The following VIT variants were observed in gnomAD, a reference collection of about 807,000 sequenced individuals.
The protein encoded by VIT is vitrin.
In VIT, 99 loss-of-function variants were observed where a neutral mutation model predicts 78.0. The observed-to-expected ratio is 1.27, with a 90% CI of 1.08 to 1.50. VIT has a LOEUF of 1.50. Ranked by LOEUF, VIT falls within the 40% of genes most tolerant of loss-of-function variation. The pLI is 0.00. For synonymous variants in VIT, 374 were observed against 334.3 expected, an observed-to-expected ratio of 1.12 and a Z score of -1.29; for missense variants, 1,126 against 875.3, an observed-to-expected ratio of 1.29 and a Z score of -3.61.
chr2:36,785,642 C>T (rs532187116), intron 11 of VIT, among the ~76,000 whole-genome samples: 118 of 152,284 alleles, frequency 7.7e-4, no homozygotes, highest in South Asian at 6.6e-3. Context: ...AGGCACTGAA[C>T]GCCCAGGCAG....
intron 13 of VIT, among the ~76,000 whole-genome samples, chr2:36,804,489 G>C (rs1666559170): frequency 6.6e-6 from 1 of 152,200 alleles, no homozygotes; most frequent in Admixed American, 6.5e-5. Flanking sequence ...CATGGGGCTG[G>C]CTTAGGGGCT....
intron 9 of VIT, among the ~76,000 whole-genome samples, chr2:36,777,596 T>C (rs1259842682): frequency 6.6e-6 from 1 of 152,142 alleles, no homozygotes; most frequent in East Asian, 1.9e-4. Context: ...CACTGGCTCA[T>C]CTCCTACTGA....
chr2:36,771,419 A>G (rs552504639), intron 7 of VIT, among the ~76,000 whole-genome samples: 33 of 151,898 alleles, frequency 2.2e-4, no homozygotes, highest in Non-Finnish European at 1.8e-4. Context: ...CCGGCTACTC[A>G]GGAGGCTGAG....
At position 36,814,323 on chromosome 2, in the gene VIT, A is replaced by C. The variant is rs774124560; in HGVS notation, c.2044A>C (p.Asn682His). The change falls in exon 16 of 16, where the codon AAC (asparagine) becomes CAC (histidine). Residue 682 changes from asparagine to histidine, a missense_variant. Transcript: ENST00000379242. Reference sequence around the variant, plus strand: ...TCAGTATGTCCCCAGGATCATCCAGAACATTTGTACAGAGTTCAACTCACA... The same window carrying C: ...TCAGTATGTCCCCAGGATCATCCAGCACATTTGTACAGAGTTCAACTCACA... ...LHQYVPRIIQ[N>H]ICTEFNSQPR... The C allele has an allele frequency of 6.2e-7, 1 of 1,614,228 alleles. No individual in the cohort carries two copies. Among genetic ancestry groups the C allele is most frequent in the South Asian group, 1.1e-5 (1 of 91,082 alleles).
chr2:36,792,884 T>C lies in VIT; in HGVS notation c.1058+5608T>C, dbSNP rs11890004. On this transcript the variant is annotated intron_variant, in intron 12 of 15. Transcript: ENST00000379242. ...TATTTATTTTCCTTCTTTCATCTTA[T>C]CACTGGAAGCCCCATTGCTGATTTT... 1.1e-4 allele frequency among the ~76,000 whole-genome samples: 16 copies of C among 152,310 alleles called. No individual in the cohort carries two copies. In the South Asian group the frequency reaches 3.3e-3, roughly 32 times the overall value.
At chr2:36,731,513 T>C (rs1454053782) in intron 3 of VIT, among the ~76,000 whole-genome samples, 1 of 152,138 alleles carries the variant, frequency 6.6e-6, no homozygotes, top group African/African-American at 2.4e-5. Flanking sequence ...GACCTCATGA[T>C]CCACCTGCCT....
chr2:36,797,792 G>C (rs1476377901), intron 12 of VIT, among the ~76,000 whole-genome samples: 4 of 152,200 alleles, frequency 2.6e-5, no homozygotes, highest in African/African-American at 9.7e-5. Flanking sequence ...GAACACCAAA[G>C]TTTAGAGGTT....
chr2:36,705,944 C>T (rs1389574495), intron 1 of VIT, among the ~76,000 whole-genome samples: 1 of 152,134 alleles, frequency 6.6e-6, no homozygotes, highest in Non-Finnish European at 1.5e-5. Flanking sequence ...AGCAGCATCC[C>T]CCTCTCTTGT....
chr2:36,768,552 C>T (rs1324834009), intron 7 of VIT, among the ~76,000 whole-genome samples: 3 of 152,250 alleles, frequency 2.0e-5, no homozygotes, highest in Middle Eastern at 3.2e-3. Flanking sequence ...AGATTTATGA[C>T]TTCCAATTTC....
At chr2:36,779,887 G>T (rs910818642) in intron 9 of VIT, among the ~76,000 whole-genome samples, 1 of 152,138 alleles carries the variant, frequency 6.6e-6, no homozygotes, top group Non-Finnish European at 1.5e-5. Flanking sequence ...ACAGTGTAGG[G>T]AAAGTCTTTA....
intron 2 of VIT, among the ~76,000 whole-genome samples, chr2:36,718,517 G>T (rs1313222436): frequency 1.3e-5 from 2 of 152,086 alleles, no homozygotes; most frequent in African/African-American, 4.8e-5. Context: ...AGAGACCTAG[G>T]GCAGCTCTGT....
At chr2:36,785,096 T>G (rs1665005002) in intron 11 of VIT, among the ~76,000 whole-genome samples, 1 of 152,238 alleles carries the variant, frequency 6.6e-6, no homozygotes. Context: ...CCATGTACTT[T>G]ATTCATGTAA....
rs1164507896 is a variant in VIT, at chr2:36,696,832, G to T, written c.-160G>T. 1 of 152,096 alleles carries T rather than the reference G, an allele frequency of 6.6e-6. No individual in the cohort carries two copies. Among genetic ancestry groups the T allele is most frequent in the Non-Finnish European group, 1.5e-5 (1 of 68,028 alleles). The allele number at this position is 152,096 out of a possible 1,614,324, so 9.4% of individuals were successfully genotyped here. A position where few individuals can be genotyped will look rare whatever the true frequency, so the allele number is the denominator to read the frequency against. ...TCGATTAGCTCCTCTGAGAAGAAGAGAAAAGGTTCTTGGACCTCTCCCTGT... is the reference window on the plus strand; with the variant it reads ...TCGATTAGCTCCTCTGAGAAGAAGATAAAAGGTTCTTGGACCTCTCCCTGT... On this transcript the variant is annotated 5_prime_UTR_variant, in exon 1 of 16. Coordinates refer to ENST00000379242, the MANE Select transcript of VIT (RefSeq NM_053276.4).
intron 14 of VIT, among the ~76,000 whole-genome samples, 190 bp downstream of exon 14, chr2:36,805,854 A>G (rs556439491): frequency 3.5e-4 from 53 of 152,088 alleles, no homozygotes; most frequent in Non-Finnish European, 6.2e-4. Flanking sequence ...CCCCACACCC[A>G]CCAGCAGCTG....
chr2:36,705,924 A>C (rs1161781436), intron 1 of VIT, among the ~76,000 whole-genome samples: 2 of 152,194 alleles, frequency 1.3e-5, no homozygotes, highest in Admixed American at 1.3e-4. Context: ...GCCTCCACCC[A>C]CTAGGTGCCA....
chr2:36,805,823 A>T (rs1368461905), intron 14 of VIT, among the ~76,000 whole-genome samples, 159 bp downstream of exon 14: 1 of 152,094 alleles, frequency 6.6e-6, no homozygotes, highest in Non-Finnish European at 1.5e-5. Flanking sequence ...CGAAACCTGC[A>T]ATTACCCTCT....
Position 36,801,378 on chromosome 2 carries a change from C to G in VIT, c.1136C>G (p.Thr379Ser), listed in dbSNP as rs1208499162. The G allele has an allele frequency of 1.2e-6, 2 of 1,613,682 alleles. No homozygotes were observed. Among genetic ancestry groups the G allele is most frequent in the Admixed American group, 3.3e-5 (2 of 60,008 alleles). Residue 379 changes from threonine to serine, a missense_variant, in exon 13 of 16, where the codon ACT becomes AGT. Physicochemically the swap from Thr to Ser is moderately conservative, Grantham distance 58 (BLOSUM62 1). Coordinates refer to ENST00000379242, the MANE Select transcript of VIT (RefSeq NM_053276.4). ...RDLKTAIEKITQRGGLSNVGR... is the reference protein window; with the variant it reads ...RDLKTAIEKISQRGGLSNVGR... ...CTGAAGACAGCCATAGAGAAAATTACTCAGAGAGGAGGACTTTCTAATGTA... is the reference window on the plus strand; with the variant it reads ...CTGAAGACAGCCATAGAGAAAATTAGTCAGAGAGGAGGACTTTCTAATGTA...
chr2:36,741,655 G>A (rs1667843095), intron 3 of VIT, among the ~76,000 whole-genome samples: 1 of 152,110 alleles, frequency 6.6e-6, no homozygotes, highest in Admixed American at 6.5e-5. Context: ...TAGAGGGTGG[G>A]TGGCCTGGCA....
rs375566196 is a variant in VIT at position 36,802,880 on chromosome 2, C to T, written c.1162+1476C>T. ...GGCTATTAAGTAGTTTGGAGAATCA[C>T]TGTAAGAACTGAAGAAGCAGACTGT... is the stretch of plus-strand genomic sequence containing the variant. On this transcript the variant is annotated intron_variant, in intron 13 of 15. Transcript: ENST00000379242. 1.2e-4 allele frequency among the ~76,000 whole-genome samples: 18 copies of T among 152,340 alleles called. No homozygotes were observed. In the East Asian group the frequency reaches 3.3e-3, roughly 28 times the overall value.
Sources: gnomAD v4.1 joint callset for allele counts (sites outside exome capture counted in the v4.1 genomes callset) on GRCh38, gnomAD v4.1.1 for gene constraint, MANE v1.5 for transcripts, NCBI Gene and HGNC (gene_info 2026-07-23, HGNC 2026-07-21) for gene names.